Variants in ARHGEF4 observed in about 807,000 individuals in gnomAD.
The protein encoded by ARHGEF4 is APC-stimulated guanine nucleotide exchange factor 1.
Under a neutral mutation model 162.0 loss-of-function variants are expected in ARHGEF4, and 119 were observed. That is an observed-to-expected ratio of 0.73 (90% CI 0.63 to 0.86). The LOEUF (loss-of-function observed/expected upper bound fraction) is 0.86, where lower values mean the gene tolerates loss of function less well. Ranked by LOEUF, ARHGEF4 falls within the 40% of genes least tolerant of loss-of-function variation. The pLI is 0.00. For missense variants in ARHGEF4, 2,488 were observed against 2,456.0 expected (o/e 1.01, Z -0.28); for synonymous variants, 1,014 against 979.9 (o/e 1.03, Z -0.65).
chr2:130,946,790 A>C (rs1683650052), intron 4 of ARHGEF4, 155 bp downstream of exon 4: 1 of 1,035,236 alleles, frequency 9.7e-7, no homozygotes, highest in Non-Finnish European at 1.4e-6. Flanking sequence ...GTTAGGGAGG[A>C]GTGCCTACTA....
chr2:130,894,958 A>G (rs1229848611), intron 1 of ARHGEF4, among the ~76,000 whole-genome samples: 1 of 152,212 alleles, frequency 6.6e-6, no homozygotes, highest in Non-Finnish European at 1.5e-5. Context: ...TTGAATTTAC[A>G]TACAGCAAAA....
chr2:130,979,145 G>A (rs988697563), intron 4 of ARHGEF4, among the ~76,000 whole-genome samples: 2 of 152,132 alleles, frequency 1.3e-5, no homozygotes, highest in African/African-American at 4.8e-5. Context: ...ACCGTTGACA[G>A]GAAAATTTGG....
intron 4 of ARHGEF4, among the ~76,000 whole-genome samples, chr2:130,984,650 C>G (rs1394118831): frequency 6.7e-6 from 1 of 150,002 alleles, no homozygotes; most frequent in Non-Finnish European, 1.5e-5. Context: ...GATTGTGCCA[C>G]TGCACTCCAG....
chr2:131,031,896 G>A (rs879674330), intron 5 of ARHGEF4, among the ~76,000 whole-genome samples: 5 of 152,206 alleles, frequency 3.3e-5, no homozygotes, highest in East Asian at 1.9e-4. Flanking sequence ...AGCCAGAAGC[G>A]CCTGTCAGTG....
chr2:130,882,111 C>T (rs1178100657), intron 1 of ARHGEF4, among the ~76,000 whole-genome samples: 2 of 152,092 alleles, frequency 1.3e-5, no homozygotes, highest in Non-Finnish European at 2.9e-5. Flanking sequence ...GCCCGCTTTC[C>T]CAATTGTCTT....
chr2:130,963,403 C>T (rs1313116677), intron 4 of ARHGEF4, among the ~76,000 whole-genome samples: 1 of 151,874 alleles, frequency 6.6e-6, no homozygotes, highest in South Asian at 2.1e-4. Flanking sequence ...GGGCCACCTG[C>T]TTGCGTCCTC....
Position 131,018,337 on chromosome 2 carries a change from TC to T in ARHGEF4, c.3986-9607del, listed in dbSNP as rs752013739. Among the ~76,000 whole-genome samples, 5 of 152,240 alleles carry T rather than the reference TC, an allele frequency of 3.3e-5. No homozygotes were observed. The South Asian group carries it at 8.3e-4, about 25-fold the overall frequency. On this transcript the variant is annotated intron_variant, in intron 4 of 13. Coordinates refer to ENST00000409359, the MANE Select transcript of ARHGEF4 (RefSeq NM_001367493.1). ...TGCATTTCCCTAATGATTAGTGATG[TC>T]GTATGTCCTTATTTATATGCTATTG... is the stretch of plus-strand genomic sequence containing the variant.
intron 1 of ARHGEF4, among the ~76,000 whole-genome samples, chr2:130,840,571 C>T (rs1283535850): frequency 6.6e-6 from 1 of 152,180 alleles, no homozygotes; most frequent in Non-Finnish European, 1.5e-5. Flanking sequence ...CACCATGGCT[C>T]AGGAAGCCAG....
intron 3 of ARHGEF4, among the ~76,000 whole-genome samples, chr2:130,938,449 A>G (rs1029276709): frequency 6.6e-6 from 1 of 152,100 alleles, no homozygotes; most frequent in Non-Finnish European, 1.5e-5. Flanking sequence ...TCGTGTGCAT[A>G]TTTGCCATTG....
At chr2:130,870,115 G>C (rs1373151107) in intron 1 of ARHGEF4, among the ~76,000 whole-genome samples, 3 of 152,184 alleles carry the variant, frequency 2.0e-5, no homozygotes, top group African/African-American at 7.2e-5. Context: ...GTCAACCCCT[G>C]CAGGGCCTCA....
chr2:130,890,149 A>T (rs1679778854), intron 1 of ARHGEF4, among the ~76,000 whole-genome samples: 2 of 152,248 alleles, frequency 1.3e-5, no homozygotes, highest in African/African-American at 4.8e-5. Context: ...ATTGTCAGCC[A>T]TTAATTCTTC....
chr2:130,993,573 C>T (rs1573554747), intron 4 of ARHGEF4, among the ~76,000 whole-genome samples: 1 of 151,818 alleles, frequency 6.6e-6, no homozygotes. Context: ...TTTCTATTTG[C>T]TTTATGTATT....
intron 1 of ARHGEF4, among the ~76,000 whole-genome samples, chr2:130,849,847 G>C (rs1574093465): frequency 6.6e-6 from 1 of 152,190 alleles, no homozygotes; most frequent in Admixed American, 6.5e-5. Context: ...TTACAGGCTT[G>C]AGCCACCTTA....
At chr2:131,021,250 C>G (rs1306054344) in intron 4 of ARHGEF4, among the ~76,000 whole-genome samples, 2 of 152,144 alleles carry the variant, frequency 1.3e-5, no homozygotes, top group African/African-American at 4.8e-5. Context: ...CTACAGTAAC[C>G]AAAACAGCAT....
At chr2:131,023,291 A>G (rs1689263485) in intron 4 of ARHGEF4, among the ~76,000 whole-genome samples, 1 of 151,796 alleles carries the variant, frequency 6.6e-6, no homozygotes, top group Admixed American at 6.6e-5. Flanking sequence ...AAATTAGGCA[A>G]GTGTGGTGGT....
intron 4 of ARHGEF4, among the ~76,000 whole-genome samples, chr2:130,995,841 A>G (rs989196209): frequency 5.3e-5 from 8 of 151,198 alleles, no homozygotes; most frequent in Non-Finnish European, 8.8e-5. Context: ...TCTTGCATCC[A>G]GTTGCTCTCA....
intron 1 of ARHGEF4, among the ~76,000 whole-genome samples, chr2:130,897,480 G>A (rs1184103683): frequency 6.6e-6 from 1 of 152,218 alleles, no homozygotes; most frequent in Non-Finnish European, 1.5e-5. Context: ...CTGGCTTCCG[G>A]GGGTAATGTG....
chr2:130,903,632 A>G (rs1680642690), intron 1 of ARHGEF4, among the ~76,000 whole-genome samples: 1 of 152,080 alleles, frequency 6.6e-6, no homozygotes, highest in South Asian at 2.1e-4. Flanking sequence ...TTGGGCTTCT[A>G]CTGATTCTCT....
intron 10 of ARHGEF4, 76 bp from the exon 11 acceptor site, chr2:131,043,376 C>T: frequency 6.3e-7 from 1 of 1,588,900 alleles, no homozygotes. Flanking sequence ...GTGCGCCACC[C>T]ACCCATGATG....
Sources: allele counts gnomAD v4.1 joint callset (sites outside exome capture counted in the v4.1 genomes callset), GRCh38; gene constraint gnomAD v4.1.1; transcripts MANE v1.5; gene names NCBI Gene and HGNC (gene_info 2026-07-23, HGNC 2026-07-21).